SLC12A6: variants seen among roughly 807,000 people sequenced by gnomAD.
The protein encoded by SLC12A6 is K-Cl cotransporter 3.
A neutral mutation model predicts 135.3 loss-of-function variants in SLC12A6; 66 were observed. The observed-to-expected ratio is 0.49, with a 90% confidence interval of 0.40 to 0.60. SLC12A6 has a LOEUF of 0.60. Among genes scored for constraint, SLC12A6 ranks in the 20% least tolerant of loss-of-function variants. The probability of loss-of-function intolerance (pLI) is 0.00; values close to 1 mark genes in which losing one functional copy is unlikely to be tolerated. For missense variants in SLC12A6, 1,058 were observed against 1,452.3 expected (o/e 0.73, Z 4.41); for synonymous variants, 513 against 508.8 (o/e 1.01, Z -0.11).
intron 3 of SLC12A6, 141 bp downstream of exon 3, chr15:34,275,204 A>G: frequency 1.8e-6 from 1 of 565,614 alleles, no homozygotes; most frequent in South Asian, 2.5e-5. Flanking sequence ...TTGGGAATAG[A>G]AACAGCAGGA....
chr15:34,254,709 G>C (rs1034961385), intron 8 of SLC12A6, 120 bp from the exon 9 acceptor site: 3 of 765,130 alleles, frequency 3.9e-6, no homozygotes, highest in Admixed American at 2.3e-5. Context: ...AATGACTGGG[G>C]AATTAGCCTA....
At chr15:34,236,686 G>T in intron 23 of SLC12A6, 22 bp downstream of exon 23, 4 of 1,285,220 alleles carry the variant, frequency 3.1e-6, no homozygotes, top group Non-Finnish European at 4.6e-6. Flanking sequence ...GCACGGATTG[G>T]ATTGATGCAG....
chr15:34,310,056 T>G lies in SLC12A6; in HGVS notation c.271+26354A>C, dbSNP rs112918768. The stretch of plus-strand genomic sequence containing the variant: ...CACTTTCTCACTTTGTTGCCCAGGA[T>G]AGAGTGCAGTGGCATGATAACGGAT... On this transcript the variant is annotated intron_variant, in intron 2 of 25. Transcript: ENST00000354181. Among the ~76,000 whole-genome samples the G allele has an allele frequency of 1.7e-3, 264 of 151,896 alleles. 3 individuals are homozygous for G. Among genetic ancestry groups the G allele is most frequent in the African/African-American group, 6.1e-3 (253 of 41,394 alleles).
chr15:34,254,313 A>G, intron 9 of SLC12A6, 35 bp downstream of exon 9: 1 of 1,594,744 alleles, frequency 6.3e-7, no homozygotes, highest in Non-Finnish European at 8.6e-7. Context: ...ATTACTACCC[A>G]ATAAGGATGG....
chr15:34,284,284 T>TC (rs1289423905), intron 2 of SLC12A6, among the ~76,000 whole-genome samples: 6 of 138,518 alleles, frequency 4.3e-5, no homozygotes, highest in Middle Eastern at 7.2e-3. Context: ...TTTCTTTTTT[T>TC]TTTTTTTTTT....
chr15:34,296,819 G>A (rs1468533830), intron 2 of SLC12A6, among the ~76,000 whole-genome samples: 3 of 152,026 alleles, frequency 2.0e-5, no homozygotes, highest in Admixed American at 6.6e-5. Flanking sequence ...CAGGACTGAA[G>A]GTAGAGAAAT....
intron 2 of SLC12A6, among the ~76,000 whole-genome samples, chr15:34,316,614 G>C (rs1385629660): frequency 6.6e-6 from 1 of 152,190 alleles, no homozygotes; most frequent in East Asian, 1.9e-4. Context: ...GATTATATCT[G>C]TCACTTCTTC....
At chr15:34,287,926 G>T (rs1473755524) in intron 2 of SLC12A6, among the ~76,000 whole-genome samples, 1 of 152,164 alleles carries the variant, frequency 6.6e-6, no homozygotes, top group Non-Finnish European at 1.5e-5. Context: ...CGTTCTGTAG[G>T]TTGCCTGTTC....
intron 2 of SLC12A6, among the ~76,000 whole-genome samples, chr15:34,330,266 C>T (rs959475356): frequency 1.3e-5 from 2 of 152,140 alleles, no homozygotes; most frequent in African/African-American, 2.4e-5. Context: ...ATCTAGTTAT[C>T]CAATAAAACT....
In SLC12A6 at chr15:34,250,741, AG is replaced by A. The variant is rs748657003; in HGVS notation, c.1493-13del. ...TCCAGCCATGATACCTTTAGAGATA[AG>A]GGGGAAAAAACCAAGTTAACTTCTT... On this transcript the variant is annotated splice_polypyrimidine_tract_variant and intron_variant, in intron 11 of 25. Coordinates refer to ENST00000354181, the MANE Select transcript of SLC12A6 (RefSeq NM_001365088.1). 74 of 1,540,190 alleles carry A rather than the reference AG, an allele frequency of 4.8e-5. No individual in the cohort carries two copies. The highest frequency in any genetic ancestry group is 5.9e-5 in the Non-Finnish European group (66 of 1,112,770).
chr15:34,264,979 G>A (rs1332454713), intron 3 of SLC12A6, among the ~76,000 whole-genome samples: 1 of 152,146 alleles, frequency 6.6e-6, no homozygotes, highest in Non-Finnish European at 1.5e-5. Context: ...GGCGAATCAC[G>A]AGGTCAGGAG....
rs530322046 is a variant in SLC12A6, at chr15:34,266,468, G to T, written c.317-5448C>A. Reference sequence around the variant, plus strand: ...CATTATTATTATTTTTTGAGACAGGGTCTCACTCTTACGCCCAGGCTGGAG... The same window carrying T: ...CATTATTATTATTTTTTGAGACAGGTTCTCACTCTTACGCCCAGGCTGGAG... On this transcript the variant is annotated intron_variant, in intron 3 of 25. Transcript: ENST00000354181. Among the ~76,000 whole-genome samples the T allele has an allele frequency of 4.6e-5, 7 of 151,952 alleles. No individual in the cohort carries two copies. In the South Asian group the frequency reaches 1.5e-3, roughly 32 times the overall value.
chr15:34,263,552 A>G (rs184551371), intron 3 of SLC12A6, among the ~76,000 whole-genome samples: 1 of 152,330 alleles, frequency 6.6e-6, no homozygotes, highest in African/African-American at 2.4e-5. Context: ...TGAGGAAAAA[A>G]AGGAGACCAG....
At chr15:34,244,779 G>T (rs766514363) in intron 15 of SLC12A6, among the ~76,000 whole-genome samples, 2 of 152,102 alleles carry the variant, frequency 1.3e-5, no homozygotes, top group Non-Finnish European at 2.9e-5. Flanking sequence ...CACTTCCTCC[G>T]GAAAATCTTT....
intron 3 of SLC12A6, among the ~76,000 whole-genome samples, chr15:34,267,169 C>T (rs1893581593): frequency 6.6e-6 from 1 of 151,764 alleles, no homozygotes; most frequent in African/African-American, 2.4e-5. Flanking sequence ...CTTTCTAATA[C>T]TTCAATTCCA....
chr15:34,242,193 A>G lies in SLC12A6; in HGVS notation c.2071T>C (p.Cys691Arg), dbSNP rs1266411633. The change falls in exon 17 of 26, where the codon TGT (cysteine) becomes CGT (arginine). Residue 691 changes from cysteine (C) to arginine (R), a missense_variant. Cys to Arg is a radical substitution (Grantham distance 180, BLOSUM62 -3). Transcript: ENST00000354181. ...WALSFMGMSI[C>R]LALMFISSWY... ...GAAGAAATGAACATCAGAGCCAGAC[A>G]GATACTCATTCCCATGAAAGAAAGG... 6.3e-7 allele frequency: 1 copy of G among 1,598,170 alleles called. No individual in the cohort carries two copies. Among genetic ancestry groups the G allele is most frequent in the South Asian group, 1.1e-5 (1 of 90,722 alleles).
rs16958881 is a variant in SLC12A6, at chr15:34,244,332, C to T, written c.1944-260G>A. On this transcript the variant is annotated intron_variant, in intron 15 of 25. Coordinates refer to ENST00000354181, the MANE Select transcript of SLC12A6 (RefSeq NM_001365088.1). Reference sequence around the variant, plus strand: ...CTTCCTTACCCTTGTTCCAAATTCACTTACCAAGTCCTATGGATTCTATTT... The same window carrying T: ...CTTCCTTACCCTTGTTCCAAATTCATTTACCAAGTCCTATGGATTCTATTT... 0.013 allele frequency among the ~76,000 whole-genome samples: 2,010 copies of T among 152,312 alleles called. 50 individuals are homozygous for T. The highest frequency in any genetic ancestry group is 0.045 in the African/African-American group (1,885 of 41,572).
intron 3 of SLC12A6, among the ~76,000 whole-genome samples, chr15:34,264,753 T>C (rs939381532): frequency 6.6e-6 from 1 of 152,224 alleles, no homozygotes; most frequent in African/African-American, 2.4e-5. Flanking sequence ...CAAAACAGAT[T>C]TGTAACATTG....
chr15:34,255,082 C>T (rs1440465579), intron 8 of SLC12A6, among the ~76,000 whole-genome samples, 180 bp downstream of exon 8: 2 of 152,172 alleles, frequency 1.3e-5, no homozygotes, highest in African/African-American at 4.8e-5. Context: ...AAGGAAGGGA[C>T]AGGCAGGCAA....
Sources: allele counts gnomAD v4.1 joint callset (sites outside exome capture counted in the v4.1 genomes callset), GRCh38; gene constraint gnomAD v4.1.1; transcripts MANE v1.5; gene names NCBI Gene and HGNC (gene_info 2026-07-23, HGNC 2026-07-21).